STK32B: variants seen among roughly 807,000 people sequenced by gnomAD.
The protein encoded by STK32B is serine/threonine kinase 32B.
STK32B carries 43 observed loss-of-function variants against 52.6 expected under a neutral mutation model. That is an observed-to-expected ratio of 0.82 (90% CI 0.64 to 1.05). The LOEUF (loss-of-function observed/expected upper bound fraction) is 1.05. STK32B is among the 50% of genes least tolerant of loss of function. STK32B has a pLI of 0.00. For synonymous variants in STK32B, 238 were observed against 204.3 expected, an observed-to-expected ratio of 1.17 and a Z score of -1.41; for missense variants, 621 against 534.6, an observed-to-expected ratio of 1.16 and a Z score of -1.59.
At position 5,084,959 on chromosome 4, in the gene STK32B, A is replaced by G. The variant is rs573765121; in HGVS notation, c.52+33044A>G. 2.0e-5 allele frequency among the ~76,000 whole-genome samples: 3 copies of G among 152,314 alleles called. No homozygotes were observed. In the South Asian group the frequency reaches 6.2e-4, roughly 32 times the overall value. On this transcript the variant is annotated intron_variant, in intron 1 of 11. Transcript: ENST00000282908. ...GTAGCAAGGGCCTCTGGCATGATTC[A>G]TGACAGTAAAAGTGTCGAGAAAAGC...
rs1736857910 is a variant in STK32B, at chr4:5,395,924, G to A, written c.435-2283G>A. 6.6e-6 allele frequency among the ~76,000 whole-genome samples: 1 copy of A among 152,184 alleles called. No homozygotes were observed. Among genetic ancestry groups the A allele is most frequent in the Non-Finnish European group, 1.5e-5 (1 of 68,042 alleles). On this transcript the variant is annotated intron_variant, in intron 4 of 11. Coordinates refer to ENST00000282908, the MANE Select transcript of STK32B (RefSeq NM_018401.3). The surrounding 1 kb of genome is among the most constrained non-coding windows in gnomAD (Gnocchi z 4.4). ...CATCCGTGCCCCATTCTGTTCTCAG[G>A]ATATGAGACAATGTGCGCCGGTGCA...
intron 3 of STK32B, among the ~76,000 whole-genome samples, chr4:5,309,622 T>C (rs537256491): frequency 6.6e-6 from 1 of 152,202 alleles, no homozygotes; most frequent in African/African-American, 2.4e-5. Flanking sequence ...ACCAATAACA[T>C]TTACAGGGGA....
the STK32B span, among the ~76,000 whole-genome samples, chr4:5,020,472 A>G: frequency 6.6e-6 from 1 of 152,170 alleles, no homozygotes; most frequent in East Asian, 1.9e-4. Flanking sequence ...TCTCTGTTAA[A>G]TCCAGCAATT....
rs914614523 is a variant in STK32B, at chr4:5,274,739, A to T, written c.261-56481A>T. ...TTTTCACTCTTTTTCACTCTATTAA[A>T]TCTTGCAACTGCACTCTTCTGTGTT... On this transcript the variant is annotated intron_variant, in intron 3 of 11. Transcript: ENST00000282908. Among the ~76,000 whole-genome samples, 5 of 151,876 alleles carry T rather than the reference A, an allele frequency of 3.3e-5. No individual in the cohort carries two copies. The East Asian group carries it at 7.7e-4, about 24-fold the overall frequency.
intron 1 of STK32B, among the ~76,000 whole-genome samples, chr4:5,114,000 A>G (rs551769332): frequency 7.9e-5 from 12 of 152,220 alleles, no homozygotes; most frequent in East Asian, 3.9e-4. Context: ...ACCTGCTCCC[A>G]TGATTCAATT....
chr4:5,310,937 C>A (rs1730253824), intron 3 of STK32B, among the ~76,000 whole-genome samples: 1 of 152,080 alleles, frequency 6.6e-6, no homozygotes, highest in Non-Finnish European at 1.5e-5. Flanking sequence ...AAGCCAGGCA[C>A]AGTAAAGAAA....
intron 9 of STK32B, among the ~76,000 whole-genome samples, chr4:5,463,942 A>G (rs1717230818): frequency 6.6e-6 from 1 of 152,202 alleles, no homozygotes; most frequent in Admixed American, 6.5e-5. Flanking sequence ...AGGTTGGGTA[A>G]TTTATAAAGA....
intron 11 of STK32B, among the ~76,000 whole-genome samples, chr4:5,495,580 A>C (rs150497987): frequency 0.054 from 8,246 of 152,226 alleles, 745 homozygotes; most frequent in African/African-American, 0.18. Context: ...TCAACTCGTC[A>C]AAGTCATTCT....
intron 8 of STK32B, 42 bp downstream of exon 8, chr4:5,456,965 G>A: frequency 1.4e-6 from 2 of 1,433,972 alleles, no homozygotes; most frequent in African/African-American, 1.4e-5. Flanking sequence ...GGGAGCTACG[G>A]TGAGTGTAGA....
intron 3 of STK32B, among the ~76,000 whole-genome samples, chr4:5,303,338 A>G (rs1388812937): frequency 6.6e-6 from 1 of 152,062 alleles, no homozygotes; most frequent in Non-Finnish European, 1.5e-5. Context: ...ATCCATGCCA[A>G]CATCTATTAT....
At chr4:5,433,076 G>C (rs1713732592) in intron 6 of STK32B, among the ~76,000 whole-genome samples, 1 of 152,110 alleles carries the variant, frequency 6.6e-6, no homozygotes, top group Non-Finnish European at 1.5e-5. Context: ...GGGGCAGCTG[G>C]AGTTGGGATT....
intron 4 of STK32B, among the ~76,000 whole-genome samples, chr4:5,367,584 C>T (rs971739530): frequency 2.6e-5 from 4 of 152,182 alleles, no homozygotes; most frequent in African/African-American, 9.7e-5. Context: ...AAAGCTCCCT[C>T]TGGCTTGTTG....
intron 1 of STK32B, among the ~76,000 whole-genome samples, chr4:5,125,780 C>G (rs1330001818): frequency 6.6e-6 from 1 of 152,218 alleles, no homozygotes; most frequent in Non-Finnish European, 1.5e-5. Context: ...AATAGCTACT[C>G]CCCAACTCCT....
rs561152151 is a variant in STK32B at position 5,225,776 on chromosome 4, T to G, written c.260+57326T>G. On this transcript the variant is annotated intron_variant, in intron 3 of 11. Coordinates refer to ENST00000282908, the MANE Select transcript of STK32B (RefSeq NM_018401.3). Reference sequence around the variant, plus strand: ...AAGAGCACCTCTAACCAACGGAGTTTTAGAAATATTGTAGCACCAAACCAG... The same window carrying G: ...AAGAGCACCTCTAACCAACGGAGTTGTAGAAATATTGTAGCACCAAACCAG... Among the ~76,000 whole-genome samples, 9 of 152,252 alleles carry G rather than the reference T, an allele frequency of 5.9e-5. No homozygotes were observed. In the East Asian group the frequency reaches 1.7e-3, roughly 29 times the overall value.
At chr4:5,384,086 C>T (rs28371860) in intron 4 of STK32B, among the ~76,000 whole-genome samples, 2,585 of 152,000 alleles carry the variant, frequency 0.017, 66 homozygotes, top group African/African-American at 0.058. Flanking sequence ...GAGGCCATAG[C>T]GGGGGACAAT....
chr4:5,330,040 G>A (rs1732129796), intron 3 of STK32B, among the ~76,000 whole-genome samples: 1 of 152,164 alleles, frequency 6.6e-6, no homozygotes, highest in Non-Finnish European at 1.5e-5. Context: ...ACAGTGTATG[G>A]TCATCAGGAC....
chr4:5,456,372 G>A (rs1360346813), intron 7 of STK32B, among the ~76,000 whole-genome samples: 1 of 152,240 alleles, frequency 6.6e-6, no homozygotes, highest in Non-Finnish European at 1.5e-5. Context: ...CCACCCCATG[G>A]GCCAGTTCGG....
chr4:5,372,579 T>C (rs184754033), intron 4 of STK32B, among the ~76,000 whole-genome samples: 1 of 152,210 alleles, frequency 6.6e-6, no homozygotes, highest in African/African-American at 2.4e-5. Flanking sequence ...TTTCAGAATG[T>C]TTAAAAAGGA....
chr4:5,027,049 G>T, the STK32B span, among the ~76,000 whole-genome samples: 9 of 152,202 alleles, frequency 5.9e-5, no homozygotes, highest in Non-Finnish European at 7.3e-5. Flanking sequence ...TGACAGCCAG[G>T]AGGTGTTGGG....
Sources: allele counts gnomAD v4.1 joint callset (sites outside exome capture counted in the v4.1 genomes callset), GRCh38; gene constraint gnomAD v4.1.1; non-coding constraint Gnocchi (gnomAD v3.1); transcripts MANE v1.5; gene names NCBI Gene and HGNC (gene_info 2026-07-23, HGNC 2026-07-21).